The following ARHGAP20 variants were observed in gnomAD, a reference collection of about 807,000 sequenced individuals.
ARHGAP20 encodes the protein rho GTPase-activating protein 20.
ARHGAP20 carries 34 observed loss-of-function variants against 73.7 expected under a neutral mutation model. The ratio of observed to expected loss-of-function variants is 0.46; its 90% CI spans 0.35 to 0.61. ARHGAP20 has a LOEUF of 0.61. Ranked by LOEUF, ARHGAP20 falls within the 20% of genes least tolerant of loss-of-function variation. ARHGAP20 has a pLI of 0.00. For synonymous variants in ARHGAP20, 523 were observed against 518.2 expected, an observed-to-expected ratio of 1.01 and a Z score of -0.13; for missense variants, 1,314 against 1,420.9, an observed-to-expected ratio of 0.92 and a Z score of 1.21.
Position 110,608,887 on chromosome 11 carries a change from G to C in ARHGAP20, c.775+97C>G. 5 of 948,254 alleles carry C rather than the reference G, an allele frequency of 5.3e-6. No individual in the cohort carries two copies. The South Asian group carries it at 7.9e-5, about 15-fold the overall frequency. 58.7% of individuals were successfully genotyped at this position (948,254 alleles called of 1,614,324 possible). On this transcript the variant is annotated intron_variant, in intron 8 of 14. Transcript: ENST00000683387. ...ACACCATGAAATTTCATATTTAATA[G>C]TATTTAAGCTTAGGACCATATGACC...
chr11:110,608,885 T>C (rs1389169220), intron 8 of ARHGAP20, 99 bp downstream of exon 8: 2 of 909,852 alleles, frequency 2.2e-6, no homozygotes, highest in African/African-American at 1.7e-5. Context: ...TCATATTTAA[T>C]AGTATTTAAG....
In ARHGAP20 at chr11:110,612,983, C is replaced by T. The variant is rs559166268; in HGVS notation, c.630+1578G>A. On this transcript the variant is annotated intron_variant, in intron 6 of 14. Coordinates refer to ENST00000683387, the MANE Select transcript of ARHGAP20 (RefSeq NM_001384657.1). ...AATTGAGAGATAATTTTTAAAAAGGCTTCTGATTTTAAAAAAGTCTAAAAT... is the reference window on the plus strand; with the variant it reads ...AATTGAGAGATAATTTTTAAAAAGGTTTCTGATTTTAAAAAAGTCTAAAAT... 1.9e-3 allele frequency among the ~76,000 whole-genome samples: 287 copies of T among 152,086 alleles called. 1 individual carries two copies. Among genetic ancestry groups the T allele is most frequent in the African/African-American group, 6.7e-3 (278 of 41,482 alleles).
At chr11:110,611,441 T>A in intron 6 of ARHGAP20, 55 bp from the exon 7 acceptor site, 1 of 902,594 alleles carries the variant, frequency 1.1e-6, no homozygotes, top group Non-Finnish European at 1.6e-6. Context: ...TAAAACAGGT[T>A]AACAAATAAT....
intron 2 of ARHGAP20, among the ~76,000 whole-genome samples, chr11:110,660,658 C>T (rs1399920669): frequency 1.3e-5 from 2 of 152,124 alleles, no homozygotes; most frequent in Admixed American, 6.6e-5. Context: ...CTGACCTCTC[C>T]GCAAAGTCAT....
intron 9 of ARHGAP20, among the ~76,000 whole-genome samples, chr11:110,603,804 T>A (rs1043413714): frequency 6.6e-6 from 1 of 152,176 alleles, no homozygotes; most frequent in African/African-American, 2.4e-5. Context: ...TATGCTCAAC[T>A]GAAATTAGAT....
At chr11:110,694,169 T>C (rs535489944) in intron 1 of ARHGAP20, among the ~76,000 whole-genome samples, 97 of 151,908 alleles carry the variant, frequency 6.4e-4, no homozygotes, top group African/African-American at 2.1e-3. Flanking sequence ...CAAACAAATA[T>C]GAAGTAGTAC....
intron 2 of ARHGAP20, among the ~76,000 whole-genome samples, chr11:110,634,782 A>C (rs1948929879): frequency 6.6e-6 from 1 of 152,136 alleles, no homozygotes; most frequent in Admixed American, 6.6e-5. Context: ...AGGGAAATGG[A>C]TAATGGATAT....
chr11:110,710,339 G>A (rs1484724167), intron 1 of ARHGAP20, among the ~76,000 whole-genome samples: 2 of 151,918 alleles, frequency 1.3e-5, no homozygotes, highest in Middle Eastern at 3.4e-3. Flanking sequence ...GGAAAAGAGC[G>A]AAGCAACCCT....
intron 2 of ARHGAP20, among the ~76,000 whole-genome samples, chr11:110,657,418 A>T (rs950451737): frequency 4.0e-5 from 6 of 151,854 alleles, no homozygotes; most frequent in African/African-American, 7.3e-5. Flanking sequence ...AGTTTACATT[A>T]AAAAAAACAT....
At chr11:110,677,184 A>C (rs1949948890) in intron 2 of ARHGAP20, among the ~76,000 whole-genome samples, 1 of 152,214 alleles carries the variant, frequency 6.6e-6, no homozygotes, top group African/African-American at 2.4e-5. Context: ...TTGCATGTAC[A>C]TATATAATAC....
intron 11 of ARHGAP20, among the ~76,000 whole-genome samples, chr11:110,590,127 A>G (rs1467498304): frequency 6.6e-6 from 1 of 152,076 alleles, no homozygotes; most frequent in African/African-American, 2.4e-5. Flanking sequence ...CCTCAAAAAA[A>G]AAAAAAAAAA....
At chr11:110,586,125 T>C in intron 12 of ARHGAP20, 91 bp downstream of exon 12, 1 of 629,232 alleles carries the variant, frequency 1.6e-6, no homozygotes, top group Non-Finnish European at 2.4e-6. Flanking sequence ...TCCACATGGA[T>C]ATGACTTTGA....
intron 2 of ARHGAP20, among the ~76,000 whole-genome samples, chr11:110,640,365 G>A (rs1209098277): frequency 2.6e-5 from 4 of 151,828 alleles, no homozygotes; most frequent in African/African-American, 9.7e-5. Flanking sequence ...TACCCTACCT[G>A]GTTCTGACAT....
At chr11:110,691,892 G>A (rs368136982) in intron 1 of ARHGAP20, among the ~76,000 whole-genome samples, 2 of 152,040 alleles carry the variant, frequency 1.3e-5, no homozygotes, top group Admixed American at 6.6e-5. Flanking sequence ...GGAAACACAT[G>A]GGTTAAAAAT....
intron 1 of ARHGAP20, among the ~76,000 whole-genome samples, chr11:110,696,244 G>T (rs1200453694): frequency 6.6e-6 from 1 of 151,498 alleles, no homozygotes; most frequent in Non-Finnish European, 1.5e-5. Flanking sequence ...ATTGACTGTG[G>T]TGATGAATGT....
intron 11 of ARHGAP20, among the ~76,000 whole-genome samples, chr11:110,588,281 C>A (rs999273173): frequency 6.6e-6 from 1 of 152,156 alleles, no homozygotes; most frequent in African/African-American, 2.4e-5. Flanking sequence ...TCAGCAGAAC[C>A]CTCAAAGTCA....
chr11:110,710,982 G>A (rs1437997999), intron 1 of ARHGAP20, among the ~76,000 whole-genome samples: 1 of 147,846 alleles, frequency 6.8e-6, no homozygotes, highest in Non-Finnish European at 1.5e-5. Flanking sequence ...CAGAAAAGCT[G>A]GAAGGGCACC....
At chr11:110,594,124 T>A (rs1210142834) in intron 9 of ARHGAP20, among the ~76,000 whole-genome samples, 1 of 152,234 alleles carries the variant, frequency 6.6e-6, no homozygotes, top group East Asian at 1.9e-4. Flanking sequence ...AATAAACTAC[T>A]TAACTAAATA....
chr11:110,709,585 C>T (rs1950609776), intron 1 of ARHGAP20, among the ~76,000 whole-genome samples: 1 of 152,142 alleles, frequency 6.6e-6, no homozygotes, highest in South Asian at 2.1e-4. Context: ...TACGATCTGA[C>T]AATAATATGA....
Sources: allele counts gnomAD v4.1 joint callset (sites outside exome capture counted in the v4.1 genomes callset), GRCh38; gene constraint gnomAD v4.1.1; transcripts MANE v1.5; gene names NCBI Gene and HGNC (gene_info 2026-07-23, HGNC 2026-07-21).